The following PRUNE2 variants were observed in gnomAD, a reference collection of about 807,000 sequenced individuals.
PRUNE2 encodes prune homolog 2 with BCH domain.
In PRUNE2, 164 loss-of-function variants were observed where a neutral mutation model predicts 252.0. The observed-to-expected ratio is 0.65, with a 90% CI of 0.57 to 0.74. The LOEUF is 0.74. Ranked by LOEUF, PRUNE2 falls within the 30% of genes least tolerant of loss-of-function variation. The probability of loss-of-function intolerance (pLI) is 0.00; values close to 1 mark genes in which losing one functional copy is unlikely to be tolerated. For missense variants in PRUNE2, 3,495 were observed against 3,711.0 expected (o/e 0.94, Z 1.51); for synonymous variants, 1,292 against 1,350.2 (o/e 0.96, Z 0.94).
chr9:76,852,348 T>A (rs569482639), intron 2 of PRUNE2, among the ~76,000 whole-genome samples: 40 of 152,202 alleles, frequency 2.6e-4, no homozygotes, highest in Non-Finnish European at 4.6e-4. Flanking sequence ...TGGGGAAGAA[T>A]CAATATGTAA....
chr9:76,642,677 T>C (rs1364134365), intron 12 of PRUNE2, among the ~76,000 whole-genome samples: 4 of 152,228 alleles, frequency 2.6e-5, no homozygotes, highest in African/African-American at 9.6e-5. Flanking sequence ...CTCAGTAGGT[T>C]GGTAAGTAAG....
At chr9:76,717,180 C>T (rs1221158070) in intron 6 of PRUNE2, among the ~76,000 whole-genome samples, 2 of 152,220 alleles carry the variant, frequency 1.3e-5, no homozygotes, top group Admixed American at 1.3e-4. Flanking sequence ...AACAGATTCT[C>T]ATCAGCTCTC....
intron 1 of PRUNE2, among the ~76,000 whole-genome samples, chr9:76,860,185 T>C (rs985212169): frequency 1.3e-5 from 2 of 152,136 alleles, no homozygotes; most frequent in African/African-American, 4.8e-5. Context: ...CTGAAACATA[T>C]CTCAAAGACC....
At chr9:76,619,497 A>C in intron 17 of PRUNE2, 110 bp from the exon 18 acceptor site, 1 of 728,860 alleles carries the variant, frequency 1.4e-6, no homozygotes, top group Admixed American at 2.0e-5. Context: ...CCCATTGCTA[A>C]TACTGAACAA....
At chr9:76,812,112 A>C (rs1188079971) in intron 6 of PRUNE2, among the ~76,000 whole-genome samples, 1 of 152,014 alleles carries the variant, frequency 6.6e-6, no homozygotes, top group Non-Finnish European at 1.5e-5. Context: ...GCTCGGGAGG[A>C]AAATGATAAT....
chr9:76,760,639 A>G (rs2051618817), intron 6 of PRUNE2, among the ~76,000 whole-genome samples: 1 of 152,174 alleles, frequency 6.6e-6, no homozygotes, highest in Non-Finnish European at 1.5e-5. Context: ...CAAAAGGAAC[A>G]GGTATCACAG....
chr9:76,705,509 A>G lies in PRUNE2; in HGVS notation c.6765T>C (p.Phe2255=), dbSNP rs2046248337. ...TTGCACCAGGCTGACTTTCAGGAGA[A>G]AAGCTGTCTGATATCCAAGAACCGT... The part of the protein sequence containing the change: ...EGDGSWISDS[F]SPESQPGARA... Residue 2255 remains phenylalanine, a synonymous_variant, in exon 8 of 19, where the codon TTT becomes TTC. Transcript: ENST00000376718. 2 of 1,613,936 alleles carry G rather than the reference A, an allele frequency of 1.2e-6. No individual in the cohort carries two copies. Among genetic ancestry groups the G allele is most frequent in the Non-Finnish European group, 1.7e-6 (2 of 1,179,888 alleles).
rs200041998 is a variant in PRUNE2 at position 76,706,437 on chromosome 9, C to T, written c.5837G>A (p.Gly1946Asp). 8,086 of 1,613,970 alleles carry T rather than the reference C, an allele frequency of 5.0e-3. 25 individuals carry two copies. Among genetic ancestry groups the T allele is most frequent in the Non-Finnish European group, 6.1e-3 (7,235 of 1,179,870 alleles). The change falls in exon 8 of 19, where the codon GGT (glycine) becomes GAT (aspartate). Residue 1946 changes from glycine (G) to aspartate (D), a missense_variant. Transcript: ENST00000376718. The part of the protein sequence containing the change: ...SREQTFVSAA[G>D]DELTPETPTQ... ...AGGTGTTTCAGGAGTCAGCTCATCA[C>T]CAGCAGCAGACACAAAGGTTTGCTC... is the stretch of plus-strand genomic sequence containing the variant.
In PRUNE2 at chr9:76,710,015, T is replaced by A. The variant is rs563948671; in HGVS notation, c.2259A>T (p.Thr753=). The A allele has an allele frequency of 3.0e-5, 49 of 1,613,668 alleles. 1 individual carries two copies. Among genetic ancestry groups the A allele is most frequent in the Non-Finnish European group, 3.6e-5 (43 of 1,179,840 alleles). The change falls in exon 8 of 19, where the codon ACA becomes ACT. Residue 753 remains threonine (T), a synonymous_variant. Coordinates refer to ENST00000376718, the MANE Select transcript of PRUNE2 (RefSeq NM_015225.3). ...TCAGGTGGTTTGTTCCTTGGGGAGATGTATTTGGCAAAGGTGACTTCTCCA... is the reference window on the plus strand; with the variant it reads ...TCAGGTGGTTTGTTCCTTGGGGAGAAGTATTTGGCAAAGGTGACTTCTCCA... The part of the protein sequence containing the change: ...LPMEKSPLPN[T]SPQGTNHLIE...
chr9:76,851,746 T>TA (rs1429865138), intron 2 of PRUNE2, among the ~76,000 whole-genome samples: 2 of 152,154 alleles, frequency 1.3e-5, no homozygotes, highest in Non-Finnish European at 2.9e-5. Context: ...TCTTAAATCA[T>TA]AAAAAACATT....
At chr9:76,872,643 A>ACACACACACC (rs1554820935) in intron 1 of PRUNE2, among the ~76,000 whole-genome samples, 6 of 147,006 alleles carry the variant, frequency 4.1e-5, no homozygotes, top group African/African-American at 1.5e-4. Flanking sequence ...ACACACACAC[A>ACACACACACC]CCCTCACACC....
chr9:76,768,552 T>C lies in PRUNE2; in HGVS notation c.757-54831A>G, dbSNP rs17081144. Among the ~76,000 whole-genome samples, 1,297 of 150,832 alleles carry C rather than the reference T, an allele frequency of 8.6e-3. 20 individuals are homozygous for C. The highest frequency in any genetic ancestry group is 0.03 in the African/African-American group (1,219 of 40,998). On this transcript the variant is annotated intron_variant, in intron 6 of 18. Transcript: ENST00000376718. The stretch of plus-strand genomic sequence containing the variant: ...CACCTAGAACGTTCTCTGGGTCTCT[T>C]ATCTTTGGGTTGATATATATATGTA...
In PRUNE2 at chr9:76,640,808, C is replaced by T. The variant is rs368159482; in HGVS notation, c.8729-2520G>A. 2.5e-4 allele frequency among the ~76,000 whole-genome samples: 38 copies of T among 152,276 alleles called. No homozygotes were observed. The South Asian group carries it at 6.8e-3, about 27-fold the overall frequency. On this transcript the variant is annotated intron_variant, in intron 12 of 18. Coordinates refer to ENST00000376718, the MANE Select transcript of PRUNE2 (RefSeq NM_015225.3). ...ATCCTCAGCATGACGAAAAGACAGA[C>T]GTTCATTAAAAGAGACAACAGACAT...
chr9:76,652,624 G>T lies in PRUNE2; in HGVS notation c.8416C>A (p.Pro2806Thr). The T allele has an allele frequency of 6.2e-7, 1 of 1,613,130 alleles. No individual in the cohort carries two copies. The highest frequency in any genetic ancestry group is 8.5e-7 in the Non-Finnish European group (1 of 1,179,260). The stretch of plus-strand genomic sequence containing the variant: ...TGGTCCAGAGAAAGATTGATATTTG[G>T]GGCTGTGAGCTTGATTCTCCGAGGA... ...THPRRIKLTA[P>T]NINLSLDQSE... is the part of the protein sequence containing the mutation. Residue 2806 changes from proline (P) to threonine (T), a missense_variant, in exon 11 of 19, where the codon CCA becomes ACA. Transcript: ENST00000376718.
At chr9:76,880,000 G>A (rs1319151815) in intron 1 of PRUNE2, among the ~76,000 whole-genome samples, 10 of 133,878 alleles carry the variant, frequency 7.5e-5, no homozygotes, top group South Asian at 2.7e-4. Context: ...TGCAAGCTCC[G>A]CCTCTGGTGT....
chr9:76,802,125 C>T (rs1044796337), intron 6 of PRUNE2, among the ~76,000 whole-genome samples: 1 of 151,864 alleles, frequency 6.6e-6, no homozygotes, highest in African/African-American at 2.4e-5. Flanking sequence ...TTTTTAAACA[C>T]AATTAAAAAA....
Position 76,851,993 on chromosome 9 carries a change from A to T in PRUNE2, c.142-1328T>A, listed in dbSNP as rs575725713. On this transcript the variant is annotated intron_variant, in intron 2 of 18. Coordinates refer to ENST00000376718, the MANE Select transcript of PRUNE2 (RefSeq NM_015225.3). ...TAACATAAATGGCCTTTACTCTCAC[A>T]CCATCACCAGCTTGTCACAGTTTTA... is the stretch of plus-strand genomic sequence containing the variant. Among the ~76,000 whole-genome samples the T allele has an allele frequency of 7.2e-5, 11 of 152,330 alleles. No homozygotes were observed. In the East Asian group the frequency reaches 1.4e-3, roughly 19 times the overall value.
At chr9:76,755,531 G>A (rs2225245) in intron 6 of PRUNE2, among the ~76,000 whole-genome samples, 78,826 of 151,752 alleles carry the variant, frequency 0.52, 21,126 homozygotes, top group East Asian at 0.75. Context: ...GACAAAGAAC[G>A]CTGGGAGGAG....
At chr9:76,627,513 C>T (rs764870923) in intron 16 of PRUNE2, among the ~76,000 whole-genome samples, 3 of 152,026 alleles carry the variant, frequency 2.0e-5, no homozygotes, top group Admixed American at 6.6e-5. Context: ...GTTGTGGAAA[C>T]GCTGTGAAGC....
Sources: allele counts gnomAD v4.1 joint callset (sites outside exome capture counted in the v4.1 genomes callset), GRCh38; gene constraint gnomAD v4.1.1; transcripts MANE v1.5; gene names NCBI Gene and HGNC (gene_info 2026-07-23, HGNC 2026-07-21).